The following NXPH2 variants were observed in gnomAD, a reference collection of about 807,000 sequenced individuals.
NXPH2 encodes neurexophilin 2, also known as neurexophilin-2.
NXPH2 carries 5 observed loss-of-function variants against 19.8 expected under a neutral mutation model. The observed-to-expected ratio is 0.25, with a 90% confidence interval of 0.13 to 0.53. The LOEUF (loss-of-function observed/expected upper bound fraction) is 0.53. Ranked by LOEUF, NXPH2 falls within the 20% of genes least tolerant of loss-of-function variation. NXPH2 has a pLI of 0.96. For missense variants in NXPH2, 289 were observed against 322.8 expected (o/e 0.90, Z 0.80); for synonymous variants, 154 against 127.4 (o/e 1.21, Z -1.41).
chr2:138,754,976 C>T (rs1476085738), intron 1 of NXPH2, among the ~76,000 whole-genome samples: 1 of 152,036 alleles, frequency 6.6e-6, no homozygotes, highest in Non-Finnish European at 1.5e-5. Context: ...TGATGTTAAG[C>T]ATCTTTACAT....
intron 1 of NXPH2, among the ~76,000 whole-genome samples, chr2:138,722,339 A>G (rs12616592): frequency 0.17 from 25,570 of 152,230 alleles, 2,225 homozygotes; most frequent in East Asian, 0.24. Flanking sequence ...TGCCTAGAAA[A>G]CAGCAAATGC....
At chr2:138,710,473 G>C (rs530176586) in intron 1 of NXPH2, among the ~76,000 whole-genome samples, 86 of 152,234 alleles carry the variant, frequency 5.6e-4, no homozygotes, top group African/African-American at 2.0e-3. Context: ...TTAGCTCTTA[G>C]AGAAACCGCC....
At chr2:138,711,575 G>A (rs73961513) in intron 1 of NXPH2, among the ~76,000 whole-genome samples, 26,175 of 152,110 alleles carry the variant, frequency 0.17, 2,868 homozygotes, top group Middle Eastern at 0.34. Flanking sequence ...GTCTTTGGTT[G>A]CAGTATCATA....
intron 1 of NXPH2, among the ~76,000 whole-genome samples, chr2:138,744,160 T>A (rs1681690526): frequency 6.6e-6 from 1 of 152,172 alleles, no homozygotes; most frequent in Admixed American, 6.5e-5. Flanking sequence ...AAAAATTATA[T>A]GTGTTTTCAG....
intron 1 of NXPH2, among the ~76,000 whole-genome samples, chr2:138,690,749 C>T (rs1208921374): frequency 3.3e-5 from 5 of 152,214 alleles, no homozygotes; most frequent in African/African-American, 9.6e-5. Flanking sequence ...TCAGGCACTA[C>T]GTTGGGCACT....
At chr2:138,672,108 A>G (rs972084463) in intron 1 of NXPH2, among the ~76,000 whole-genome samples, 3 of 152,234 alleles carry the variant, frequency 2.0e-5, no homozygotes, top group Admixed American at 6.5e-5. Context: ...TCTTAAGTAT[A>G]TTTGGAAATA....
At chr2:138,673,016 G>C (rs746011745) in intron 1 of NXPH2, among the ~76,000 whole-genome samples, 1 of 152,156 alleles carries the variant, frequency 6.6e-6, no homozygotes, top group Non-Finnish European at 1.5e-5. Flanking sequence ...AAGAATTCAA[G>C]GACTCAAAAT....
intron 1 of NXPH2, among the ~76,000 whole-genome samples, chr2:138,728,701 A>G (rs1396608071): frequency 1.3e-5 from 2 of 152,234 alleles, no homozygotes; most frequent in Non-Finnish European, 2.9e-5. Context: ...CCAGAACATC[A>G]ATGTAGATGC....
At chr2:138,724,887 A>G (rs1468570029) in intron 1 of NXPH2, among the ~76,000 whole-genome samples, 1 of 152,238 alleles carries the variant, frequency 6.6e-6, no homozygotes, top group Non-Finnish European at 1.5e-5. Flanking sequence ...CACAATAAAT[A>G]CCATTACGCA....
chr2:138,686,904 A>G (rs1680665300), intron 1 of NXPH2, among the ~76,000 whole-genome samples: 2 of 152,154 alleles, frequency 1.3e-5, no homozygotes, highest in African/African-American at 4.8e-5. Context: ...ATGGCTGCAT[A>G]GTATTCCATG....
At chr2:138,774,699 T>A (rs1682233231) in intron 1 of NXPH2, among the ~76,000 whole-genome samples, 2 of 152,252 alleles carry the variant, frequency 1.3e-5, no homozygotes, top group Middle Eastern at 3.4e-3. Context: ...ACTCACACCC[T>A]TGGACCAACT....
At chr2:138,676,984 C>G (rs906468924) in intron 1 of NXPH2, among the ~76,000 whole-genome samples, 7 of 152,102 alleles carry the variant, frequency 4.6e-5, no homozygotes, top group Non-Finnish European at 1.0e-4. Context: ...TTCCAATCTA[C>G]TACATGAATC....
At chr2:138,676,063 A>G (rs1472493177) in intron 1 of NXPH2, among the ~76,000 whole-genome samples, 2 of 152,250 alleles carry the variant, frequency 1.3e-5, no homozygotes, top group Admixed American at 1.3e-4. Context: ...TTTGACAACA[A>G]CATTAGCCAA....
intron 1 of NXPH2, among the ~76,000 whole-genome samples, chr2:138,779,754 G>A (rs770837293): frequency 1.4e-4 from 21 of 152,152 alleles, no homozygotes; most frequent in African/African-American, 2.4e-4. Context: ...TGTGCTTTGG[G>A]AGAAGTGTCT....
chr2:138,680,910 C>A (rs1172133755), intron 1 of NXPH2, among the ~76,000 whole-genome samples: 1 of 152,012 alleles, frequency 6.6e-6, no homozygotes, highest in East Asian at 1.9e-4. Flanking sequence ...ATTTTTTTCC[C>A]AGTGAAAGGC....
At chr2:138,685,833 T>C (rs973698411) in intron 1 of NXPH2, among the ~76,000 whole-genome samples, 5 of 152,184 alleles carry the variant, frequency 3.3e-5, no homozygotes, top group African/African-American at 1.2e-4. Context: ...TGTCTCTCCA[T>C]GCTGCTCCCA....
At chr2:138,684,021 A>G (rs1680613449) in intron 1 of NXPH2, among the ~76,000 whole-genome samples, 1 of 152,226 alleles carries the variant, frequency 6.6e-6, no homozygotes, top group Non-Finnish European at 1.5e-5. Flanking sequence ...ATAAATGCCT[A>G]TTACTTGTGC....
intron 1 of NXPH2, among the ~76,000 whole-genome samples, chr2:138,717,589 C>T (rs1681213231): frequency 6.6e-6 from 1 of 152,004 alleles, no homozygotes; most frequent in African/African-American, 2.4e-5. Flanking sequence ...CTCCCAAAGC[C>T]TCTTCCTCTT....
rs549709841 is a variant in NXPH2 at position 138,769,744 on chromosome 2, G to A, written c.51+10447C>T. Among the ~76,000 whole-genome samples the A allele has an allele frequency of 6.6e-5, 10 of 152,190 alleles. No homozygotes were observed. The East Asian group carries it at 1.7e-3, about 26-fold the overall frequency. ...CTGAGCACAAAGCTCGTGGGGTTTT[G>A]GATGCTCACCCCTTACCCTGAGGCT... On this transcript the variant is annotated intron_variant, in intron 1 of 1. Transcript: ENST00000272641.
Sources: gnomAD v4.1 joint callset for allele counts (sites outside exome capture counted in the v4.1 genomes callset) on GRCh38, gnomAD v4.1.1 for gene constraint, MANE v1.5 for transcripts, NCBI Gene and HGNC (gene_info 2026-07-23, HGNC 2026-07-21) for gene names.